SH3BP4: variants seen among roughly 807,000 people sequenced by gnomAD.
The protein encoded by SH3BP4 is SH3 domain-binding protein 4.
In SH3BP4, 33 loss-of-function variants were observed where a neutral mutation model predicts 65.5. The ratio of observed to expected loss-of-function variants is 0.50; its 90% CI spans 0.38 to 0.67. The LOEUF is 0.67. Ranked by LOEUF, SH3BP4 falls within the 30% of genes least tolerant of loss-of-function variation. The pLI, the probability that SH3BP4 is intolerant of heterozygous loss-of-function variation, is 0.00. For synonymous variants in SH3BP4, 552 were observed against 545.5 expected, an observed-to-expected ratio of 1.01 and a Z score of -0.17; for missense variants, 1,134 against 1,261.4, an observed-to-expected ratio of 0.90 and a Z score of 1.53.
In SH3BP4 at chr2:235,052,675, G is replaced by A. The variant is rs372920865; in HGVS notation, c.2592G>A (p.Leu864=). ...AQRWRELAEK[L]AKVSKQQMDA... Reference sequence around the variant, plus strand: ...GCTGGCGGGAGCTGGCTGAGAAGCTGGCCAAGGTCTCCAAGCAGCAGATGG... The same window carrying A: ...GCTGGCGGGAGCTGGCTGAGAAGCTAGCCAAGGTCTCCAAGCAGCAGATGG... Residue 864 remains leucine, a synonymous_variant, in exon 5 of 6, where the codon CTG becomes CTA. Transcript: ENST00000392011. The surrounding 1 kb of genome is among the most constrained non-coding windows in gnomAD (Gnocchi z 5.0). 6.2e-7 allele frequency: 1 copy of A among 1,601,146 alleles called. No individual in the cohort carries two copies. Among genetic ancestry groups the A allele is most frequent in the South Asian group, 1.1e-5 (1 of 88,322 alleles).
At chr2:234,990,715 G>A (rs729866) in intron 1 of SH3BP4, among the ~76,000 whole-genome samples, 69,365 of 152,050 alleles carry the variant, frequency 0.46, 17,715 homozygotes, top group East Asian at 0.72. Flanking sequence ...TTACTTTGAC[G>A]GGGCTGTTGT....
In SH3BP4 at chr2:235,051,996, C is replaced by T. The variant is rs1863819; in HGVS notation, c.2479-566C>T. ...AAACCAAGGGACATCAAACAACAGA[C>T]ACCTGTCCTGTCACCATTCAGGAGG... On this transcript the variant is annotated intron_variant, in intron 4 of 5. Transcript: ENST00000392011. 4.6e-3 allele frequency among the ~76,000 whole-genome samples: 702 copies of T among 152,274 alleles called. 7 individuals carry two copies. The highest frequency in any genetic ancestry group is 0.016 in the African/African-American group (675 of 41,542).
rs1695482671 is a variant in SH3BP4, at chr2:235,038,319, T to TAC, written c.119-2569_119-2568insAC. On this transcript the variant is annotated intron_variant, in intron 3 of 5. Coordinates refer to ENST00000392011, the MANE Select transcript of SH3BP4 (RefSeq NM_014521.3). The stretch of plus-strand genomic sequence containing the variant: ...ATATATTATATATATATATTATATA[T>TAC]TATATATATATTATATATAGTATAT... Among the ~76,000 whole-genome samples the TAC allele has an allele frequency of 1.5e-3, 15 of 10,038 alleles. No homozygotes were observed. In the South Asian group the frequency reaches 0.036, roughly 24 times the overall value. The allele number at this position is 10,038 out of a possible 152,430, so 6.6% of individuals were successfully genotyped here.
chr2:235,052,452 G>C lies in SH3BP4; in HGVS notation c.2479-110G>C. 3 of 781,576 alleles carry C rather than the reference G, an allele frequency of 3.8e-6. No individual in the cohort carries two copies. The highest frequency in any genetic ancestry group is 2.1e-5 in the South Asian group (1 of 47,624). The allele number at this position is 781,576 out of a possible 1,614,324, so 48.4% of individuals were successfully genotyped here. A position where few individuals can be genotyped will look rare whatever the true frequency, so the allele number is the denominator to read the frequency against. ...ATTTGGTAGTAGGCCAGGGAACATG[G>C]AGAATAGAGAGCCCATGGCCATTCC... On this transcript the variant is annotated intron_variant, in intron 4 of 5. Coordinates refer to ENST00000392011, the MANE Select transcript of SH3BP4 (RefSeq NM_014521.3). The surrounding 1 kb of genome is among the most constrained non-coding windows in gnomAD (Gnocchi z 5.0).
rs771942178 is a variant in SH3BP4 at position 235,042,070 on chromosome 2, G to T, written c.1301G>T (p.Cys434Phe). ...GTCTCCGTCCCGCTCAACTGCAGCT[G>T]TGGGGACACGGTCCAGGCACAGCTG... ...PYVSVPLNCSCGDTVQAQLHN... is the reference protein window; with the variant it reads ...PYVSVPLNCSFGDTVQAQLHN... Residue 434 changes from cysteine to phenylalanine, a missense_variant, in exon 4 of 6, where the codon TGT (cysteine) becomes TTT (phenylalanine). Cys to Phe is a radical substitution (Grantham distance 205). Coordinates refer to ENST00000392011, the MANE Select transcript of SH3BP4 (RefSeq NM_014521.3). The surrounding 1 kb of genome is among the most constrained non-coding windows in gnomAD (Gnocchi z 7.3). 2 of 1,614,080 alleles carry T rather than the reference G, an allele frequency of 1.2e-6. No individual in the cohort carries two copies. Among genetic ancestry groups the T allele is most frequent in the Non-Finnish European group, 1.7e-6 (2 of 1,180,048 alleles).
At position 235,042,273 on chromosome 2, in the gene SH3BP4, A is replaced by C. The variant is rs765373741; in HGVS notation, c.1504A>C (p.Lys502Gln). The C allele has an allele frequency of 8.7e-6, 14 of 1,613,952 alleles. No homozygotes were observed. Among genetic ancestry groups the C allele is most frequent in the Non-Finnish European group, 1.1e-5 (13 of 1,180,018 alleles). ...VTIFGHDCAPKTLLVSEVTRQ... is the reference protein window; with the variant it reads ...VTIFGHDCAPQTLLVSEVTRQ... ...CATTTTTGGGCATGACTGTGCCCCA[A>C]AGACGCTCCTGGTCAGCGAGGTCAC... is the stretch of plus-strand genomic sequence containing the variant. The change falls in exon 4 of 6, where the codon AAG (lysine) becomes CAG (glutamine). Residue 502 changes from lysine (K) to glutamine (Q), a missense_variant. Physicochemically the swap from Lys to Gln is moderately conservative, Grantham distance 53. Coordinates refer to ENST00000392011, the MANE Select transcript of SH3BP4 (RefSeq NM_014521.3). This position sits in a 1 kb window ranked among gnomAD's most constrained non-coding sequence, Gnocchi z 7.3.
rs755178632 is a variant in SH3BP4, at chr2:234,967,644, G to A, written c.-207+15474G>A. 3.3e-5 allele frequency among the ~76,000 whole-genome samples: 5 copies of A among 152,042 alleles called. No individual in the cohort carries two copies. The highest frequency in any genetic ancestry group is 7.2e-5 in the African/African-American group (3 of 41,392). ...ATCCGCGTCAGGTTACCTCCTTCCC[G>A]TGCCTCCCTGGCTCCCTGGGTTCTT... is the stretch of plus-strand genomic sequence containing the variant. On this transcript the variant is annotated intron_variant, in intron 1 of 5. Transcript: ENST00000392011. This position sits in a 1 kb window ranked among gnomAD's most constrained non-coding sequence, Gnocchi z 4.6.
In SH3BP4 at chr2:235,052,481, G is replaced by A. The variant is rs1052706350; in HGVS notation, c.2479-81G>A. 3.0e-5 allele frequency: 35 copies of A among 1,152,930 alleles called. No individual in the cohort carries two copies. The highest frequency in any genetic ancestry group is 4.7e-5 in the African/African-American group (3 of 64,302). 71.4% of individuals were successfully genotyped at this position (1,152,930 alleles called of 1,614,324 possible). On this transcript the variant is annotated intron_variant, in intron 4 of 5. Transcript: ENST00000392011. The surrounding 1 kb of genome is among the most constrained non-coding windows in gnomAD (Gnocchi z 5.0). ...ATAGAGAGCCCATGGCCATTCCTGC[G>A]CCGTCTGCTGGAATTCTGCGGGGAG...
Position 235,049,399 on chromosome 2 carries a change from C to T in SH3BP4, c.2479-3163C>T, listed in dbSNP as rs1437836538. ...GCCACTTTGGAGCCAGGCAGCTGTG[C>T]ACACAGCCAGATTAGCTTGGTGTGT... On this transcript the variant is annotated intron_variant, in intron 4 of 5. Coordinates refer to ENST00000392011, the MANE Select transcript of SH3BP4 (RefSeq NM_014521.3). Among the ~76,000 whole-genome samples the T allele has an allele frequency of 9.9e-5, 15 of 152,188 alleles. No homozygotes were observed. In the East Asian group the frequency reaches 2.5e-3, roughly 25 times the overall value.
At position 235,026,917 on chromosome 2, in the gene SH3BP4, C is replaced by G. The variant is rs1309102812; in HGVS notation, c.-132-7954C>G. Among the ~76,000 whole-genome samples the G allele has an allele frequency of 1.3e-5, 2 of 152,190 alleles. No individual in the cohort carries two copies. The highest frequency in any genetic ancestry group is 4.8e-5 in the African/African-American group (2 of 41,448). ...CTCCCCCAGGAAGAGGCAGCCCGCC[C>G]GAGCCCCAGGCAGCATGTTCCTCCT... On this transcript the variant is annotated intron_variant, in intron 2 of 5. Transcript: ENST00000392011. This position sits in a 1 kb window ranked among gnomAD's most constrained non-coding sequence, Gnocchi z 4.6.
intron 3 of SH3BP4, among the ~76,000 whole-genome samples, chr2:235,038,393 A>T (rs1469759012): frequency 4.9e-5 from 1 of 20,604 alleles, no homozygotes; most frequent in Non-Finnish European, 8.2e-5. Context: ...ATATATATAT[A>T]TATATATATA....
In SH3BP4 at chr2:235,034,846, T is replaced by G. The variant is rs2106324823; in HGVS notation, c.-132-25T>G. 1 of 619,392 alleles carries G rather than the reference T, an allele frequency of 1.6e-6. No individual in the cohort carries two copies. Among genetic ancestry groups the G allele is most frequent in the African/African-American group, 1.8e-5 (1 of 54,286 alleles). 38.4% of individuals were successfully genotyped at this position (619,392 alleles called of 1,614,324 possible). ...CCCATGTTTCGCTTGCTTAAGGGAC[T>G]TTTTTGTTCCTCCTCTACTTTCAGG... is the stretch of plus-strand genomic sequence containing the variant. On this transcript the variant is annotated intron_variant, in intron 2 of 5. Coordinates refer to ENST00000392011, the MANE Select transcript of SH3BP4 (RefSeq NM_014521.3). The surrounding 1 kb of genome is among the most constrained non-coding windows in gnomAD (Gnocchi z 6.2).
intron 1 of SH3BP4, among the ~76,000 whole-genome samples, chr2:234,958,701 G>A (rs1692639793): frequency 2.6e-5 from 4 of 151,970 alleles, no homozygotes; most frequent in Non-Finnish European, 5.9e-5. Flanking sequence ...GGGGTAGGGG[G>A]AGAGGGGGTT....
intron 1 of SH3BP4, among the ~76,000 whole-genome samples, chr2:234,973,895 A>C (rs922510427): frequency 6.6e-6 from 1 of 151,964 alleles, no homozygotes; most frequent in Admixed American, 6.6e-5. Flanking sequence ...TCAGCTTCCC[A>C]AAGTGCTGGG....
chr2:234,959,972 C>T (rs942318638), intron 1 of SH3BP4, among the ~76,000 whole-genome samples: 4 of 152,112 alleles, frequency 2.6e-5, no homozygotes, highest in African/African-American at 9.7e-5. Context: ...TTTTTAAAAG[C>T]TTTAAGATTA....
rs190866663 is a variant in SH3BP4, at chr2:234,975,013, G to T, written c.-206-20290G>T. Among the ~76,000 whole-genome samples the T allele has an allele frequency of 2.2e-4, 33 of 152,332 alleles. No homozygotes were observed. The East Asian group carries it at 5.2e-3, about 24-fold the overall frequency. On this transcript the variant is annotated intron_variant, in intron 1 of 5. Transcript: ENST00000392011. Reference sequence around the variant, plus strand: ...CCTCGGAGCAGGCCAAGCTCGGGCGGCAGGCAGCTGCCTTGCAATTCTCGG... The same window carrying T: ...CCTCGGAGCAGGCCAAGCTCGGGCGTCAGGCAGCTGCCTTGCAATTCTCGG...
At chr2:235,002,328 G>A (rs1046151648) in intron 2 of SH3BP4, among the ~76,000 whole-genome samples, 13 of 152,194 alleles carry the variant, frequency 8.5e-5, no homozygotes, top group Non-Finnish European at 1.8e-4. Context: ...GCTGTCTTGG[G>A]TTTGTTATGT....
At chr2:235,014,009 T>G (rs1023560223) in intron 2 of SH3BP4, among the ~76,000 whole-genome samples, 1 of 152,236 alleles carries the variant, frequency 6.6e-6, no homozygotes, top group Admixed American at 6.5e-5. Context: ...ATGTGTATTA[T>G]GTACTATTGT....
rs755266817 is a variant in SH3BP4 at position 235,042,707 on chromosome 2, G to A, written c.1938G>A (p.Pro646=). 16 of 1,614,084 alleles carry A rather than the reference G, an allele frequency of 9.9e-6. No homozygotes were observed. The highest frequency in any genetic ancestry group is 2.7e-5 in the African/African-American group (2 of 74,946). ...CGTTTGCCACCACTACAAAGTACCCGACTTTCCAGGACCGCCCGGTGTCCA... is the reference window on the plus strand; with the variant it reads ...CGTTTGCCACCACTACAAAGTACCCAACTTTCCAGGACCGCCCGGTGTCCA... ...LSPFATTTKY[P]TFQDRPVSSL... is the part of the protein sequence containing the mutation. Residue 646 remains proline, a synonymous_variant, in exon 4 of 6, where the codon CCG becomes CCA. Transcript: ENST00000392011. The surrounding 1 kb of genome is among the most constrained non-coding windows in gnomAD (Gnocchi z 7.3).
Sources: allele counts gnomAD v4.1 joint callset (sites outside exome capture counted in the v4.1 genomes callset), GRCh38; gene constraint gnomAD v4.1.1; non-coding constraint Gnocchi (gnomAD v3.1); transcripts MANE v1.5; gene names NCBI Gene and HGNC (gene_info 2026-07-23, HGNC 2026-07-21).